COL19A1: variants seen among roughly 807,000 people sequenced by gnomAD.
COL19A1 encodes the protein collagen alpha-1(XIX) chain.
Under a neutral mutation model 190.2 loss-of-function variants are expected in COL19A1, and 159 were observed. The ratio of observed to expected loss-of-function variants is 0.84; its 90% CI spans 0.73 to 0.95. COL19A1 has a LOEUF of 0.95. COL19A1 is among the 40% of genes least tolerant of loss of function. The pLI is 0.00. For synonymous variants in COL19A1, 509 were observed against 458.9 expected, an observed-to-expected ratio of 1.11 and a Z score of -1.39; for missense variants, 1,418 against 1,431.9, an observed-to-expected ratio of 0.99 and a Z score of 0.16.
chr6:70,189,520 A>G (rs904410067), intron 47 of COL19A1, among the ~76,000 whole-genome samples: 16 of 152,342 alleles, frequency 1.1e-4, no homozygotes, highest in Middle Eastern at 3.4e-3. Context: ...CCCCTGGATA[A>G]TAATCACCAA....
At chr6:69,919,724 T>C (rs1771569410) in intron 4 of COL19A1, among the ~76,000 whole-genome samples, 1 of 152,188 alleles carries the variant, frequency 6.6e-6, no homozygotes, top group South Asian at 2.1e-4. Flanking sequence ...ATATTACTAC[T>C]AGTAACTTTG....
At chr6:69,920,650 T>C (rs1771633635) in intron 4 of COL19A1, among the ~76,000 whole-genome samples, 1 of 151,962 alleles carries the variant, frequency 6.6e-6, no homozygotes, top group South Asian at 2.1e-4. Flanking sequence ...ATTGAACATT[T>C]TGTTAATCTG....
At chr6:69,994,450 G>A (rs1200683002) in intron 11 of COL19A1, among the ~76,000 whole-genome samples, 2 of 152,146 alleles carry the variant, frequency 1.3e-5, no homozygotes, top group Admixed American at 1.3e-4. Flanking sequence ...GTTTGCCTAT[G>A]ACGCTTGTGG....
chr6:69,881,886 T>C (rs1768581184), intron 2 of COL19A1, among the ~76,000 whole-genome samples: 1 of 152,188 alleles, frequency 6.6e-6, no homozygotes, highest in African/African-American at 2.4e-5. Flanking sequence ...TTGAAGAAGA[T>C]GACAAGCTGG....
At chr6:69,930,545 G>A (rs959629944) in intron 6 of COL19A1, among the ~76,000 whole-genome samples, 1 of 152,136 alleles carries the variant, frequency 6.6e-6, no homozygotes, top group African/African-American at 2.4e-5. Flanking sequence ...CGGGCTAGGC[G>A]CAGTGGCTCA....
intron 11 of COL19A1, among the ~76,000 whole-genome samples, chr6:70,018,569 G>A (rs1381927698): frequency 6.6e-6 from 1 of 152,076 alleles, no homozygotes; most frequent in Non-Finnish European, 1.5e-5. Context: ...GAAGGCATTG[G>A]GGGCTGATAG....
chr6:69,896,859 C>G (rs888162599), intron 2 of COL19A1, among the ~76,000 whole-genome samples: 3 of 152,100 alleles, frequency 2.0e-5, no homozygotes, highest in Admixed American at 1.3e-4. Context: ...TTATTGATTT[C>G]TGAGAGTTCA....
intron 32 of COL19A1, 21 bp from the exon 33 acceptor site, chr6:70,156,295 T>G: frequency 6.2e-7 from 1 of 1,613,326 alleles, no homozygotes; most frequent in Middle Eastern, 1.7e-4. Flanking sequence ...CTCTCAGTTC[T>G]GTTCTTCCTC....
chr6:70,187,126 C>T (rs1766574562), intron 46 of COL19A1, among the ~76,000 whole-genome samples: 1 of 152,082 alleles, frequency 6.6e-6, no homozygotes, highest in Non-Finnish European at 1.5e-5. Context: ...GTGATCTGCC[C>T]ACCTCGGCCT....
rs201196203 is a variant in COL19A1 at position 70,068,523 on chromosome 6, A to G, written c.1224+47A>G. On this transcript the variant is annotated intron_variant, in intron 15 of 50. Coordinates refer to ENST00000620364, the MANE Select transcript of COL19A1 (RefSeq NM_001858.6). ...GGTGGGCATTACTAACTTAGGGGATACTTATTTGGGAACACTAATGAAAAT... is the reference window on the plus strand; with the variant it reads ...GGTGGGCATTACTAACTTAGGGGATGCTTATTTGGGAACACTAATGAAAAT... 45 of 1,249,044 alleles carry G rather than the reference A, an allele frequency of 3.6e-5. No homozygotes were observed. The East Asian group carries it at 1.0e-3, about 28-fold the overall frequency. 77.4% of individuals were successfully genotyped at this position (1,249,044 alleles called of 1,614,324 possible).
At chr6:69,972,375 AG>A (rs1775480027) in intron 11 of COL19A1, among the ~76,000 whole-genome samples, 1 of 152,198 alleles carries the variant, frequency 6.6e-6, no homozygotes. Context: ...ATAGAGTAGA[AG>A]CTTCAAGAAA....
Position 69,989,937 on chromosome 6 carries a change from A to G in COL19A1, c.1026+27067A>G, listed in dbSNP as rs79861672. Reference sequence around the variant, plus strand: ...CTATAAGATCTTATATAAATGCTAGACTTCAATTGTGAATGAGTAATTTTT... The same window carrying G: ...CTATAAGATCTTATATAAATGCTAGGCTTCAATTGTGAATGAGTAATTTTT... On this transcript the variant is annotated intron_variant, in intron 11 of 50. Transcript: ENST00000620364. Among the ~76,000 whole-genome samples, 838 of 152,190 alleles carry G rather than the reference A, an allele frequency of 5.5e-3. 19 individuals carry two copies. In the East Asian group the frequency reaches 0.069, roughly 13 times the overall value.
At chr6:69,889,960 A>G (rs1769231318) in intron 2 of COL19A1, 1 of 152,320 alleles carries the variant, frequency 6.6e-6, no homozygotes, top group African/African-American at 2.4e-5. Context: ...CACCACCTTT[A>G]AGAGCTGTAA....
intron 14 of COL19A1, chr6:70,059,644 C>T: frequency 3.3e-6 from 1 of 303,210 alleles, no homozygotes. Flanking sequence ...TTTATCTTAG[C>T]CAAAAGAGGT....
chr6:69,942,804 A>C (rs751764452), intron 9 of COL19A1, among the ~76,000 whole-genome samples: 4 of 151,538 alleles, frequency 2.6e-5, no homozygotes, highest in Non-Finnish European at 1.5e-5. Context: ...TTATTAATTG[A>C]TAGACACCCA....
At chr6:70,050,771 C>A (rs924399345) in intron 14 of COL19A1, among the ~76,000 whole-genome samples, 1 of 151,830 alleles carries the variant, frequency 6.6e-6, no homozygotes, top group Non-Finnish European at 1.5e-5. Flanking sequence ...CACTTACTAC[C>A]CCTGATTATT....
At chr6:70,149,232 G>A (rs569424435) in intron 27 of COL19A1, among the ~76,000 whole-genome samples, 3 of 151,906 alleles carry the variant, frequency 2.0e-5, no homozygotes, top group South Asian at 4.2e-4. Context: ...TTATTTATCC[G>A]AAATTCTAAT....
intron 11 of COL19A1, among the ~76,000 whole-genome samples, chr6:69,969,502 G>T (rs1775302775): frequency 6.6e-6 from 1 of 151,710 alleles, no homozygotes; most frequent in Admixed American, 6.6e-5. Flanking sequence ...TGCATCTGTG[G>T]ATTCACCCAA....
chr6:70,050,833 T>C (rs2150132078), intron 14 of COL19A1, among the ~76,000 whole-genome samples: 1 of 152,274 alleles, frequency 6.6e-6, no homozygotes, highest in East Asian at 1.9e-4. Flanking sequence ...ATTATCTCTT[T>C]AAGACTCCTA....
Sources: allele counts gnomAD v4.1 joint callset (sites outside exome capture counted in the v4.1 genomes callset), GRCh38; gene constraint gnomAD v4.1.1; transcripts MANE v1.5; gene names NCBI Gene and HGNC (gene_info 2026-07-23, HGNC 2026-07-21).